EPS15L1: variants seen among roughly 807,000 people sequenced by gnomAD.
EPS15L1 encodes epidermal growth factor receptor substrate 15-like 1.
EPS15L1 carries 43 observed loss-of-function variants against 117.1 expected under a neutral mutation model. The ratio of observed to expected loss-of-function variants is 0.37; its 90% confidence interval spans 0.29 to 0.47. The LOEUF is 0.47. Ranked by LOEUF, EPS15L1 falls within the 20% of genes least tolerant of loss-of-function variation. The pLI is 0.99. For missense variants in EPS15L1, 981 were observed against 1,164.0 expected, an observed-to-expected ratio of 0.84 and a Z score of 2.29; for synonymous variants, 459 against 470.5, an observed-to-expected ratio of 0.98 and a Z score of 0.32.
In EPS15L1 at chr19:16,440,794, C is replaced by T. The variant is rs574240917; in HGVS notation, c.213+68G>A. 1,479 of 1,418,790 alleles carry T rather than the reference C, an allele frequency of 1.0e-3. 30 individuals carry two copies. The South Asian group carries it at 0.016, about 15-fold the overall frequency. 87.9% of individuals were successfully genotyped at this position (1,418,790 alleles called of 1,614,324 possible). On this transcript the variant is annotated intron_variant, in intron 4 of 23. Transcript: ENST00000455140. ...GACAGTGGAGGAATGTGGAAGGAGC[C>T]GTGGAGGTCACCCAGCCTGGGGGCT...
intron 18 of EPS15L1, among the ~76,000 whole-genome samples, chr19:16,392,787 C>T (rs1277846883): frequency 6.6e-6 from 1 of 152,110 alleles, no homozygotes; most frequent in Non-Finnish European, 1.5e-5. Flanking sequence ...GGCACAATGG[C>T]TCATGCCTGT....
At chr19:16,389,337 C>T (rs974155520) in intron 19 of EPS15L1, among the ~76,000 whole-genome samples, 3 of 151,874 alleles carry the variant, frequency 2.0e-5, no homozygotes, top group Non-Finnish European at 4.4e-5. Context: ...GCCTGTGGTC[C>T]CAGCAACTTG....
intron 1 of EPS15L1, among the ~76,000 whole-genome samples, chr19:16,447,244 G>A (rs1377577826): frequency 6.6e-6 from 1 of 152,188 alleles, no homozygotes; most frequent in Non-Finnish European, 1.5e-5. Flanking sequence ...AACCTTCCTG[G>A]ACTGGATGGG....
Position 16,437,980 on chromosome 19 carries a change from C to A in EPS15L1, c.214-115G>T, listed in dbSNP as rs80029734. The A allele has an allele frequency of 2.0e-3, 1,538 of 764,558 alleles. 1 individual carries two copies. The highest frequency in any genetic ancestry group is 2.7e-3 in the Non-Finnish European group (1,259 of 459,586). The allele number at this position is 764,558 out of a possible 1,614,324, so 47.4% of individuals were successfully genotyped here. A position where few individuals can be genotyped will look rare whatever the true frequency, so the allele number is the denominator to read the frequency against. On this transcript the variant is annotated intron_variant, in intron 4 of 23. Transcript: ENST00000455140. ...GGATGTGCACTTCAACAATGAAGGC[C>A]GTCCGTGCAAAAACCCCTTGGAGCG... is the stretch of plus-strand genomic sequence containing the variant.
Position 16,365,632 on chromosome 19 carries a change from G to A in EPS15L1, c.2381-3648C>T, listed in dbSNP as rs1007207280. 2.0e-5 allele frequency among the ~76,000 whole-genome samples: 3 copies of A among 152,222 alleles called. No individual in the cohort carries two copies. Among genetic ancestry groups the A allele is most frequent in the African/African-American group, 4.8e-5 (2 of 41,460 alleles). On this transcript the variant is annotated intron_variant, in intron 22 of 23. Coordinates refer to ENST00000455140, the MANE Select transcript of EPS15L1 (RefSeq NM_001258374.3). The surrounding 1 kb of genome is among the most constrained non-coding windows in gnomAD (Gnocchi z 4.9). The stretch of plus-strand genomic sequence containing the variant: ...ACAGTGTCCTGCACCCCAGCCTGTG[G>A]GTTTGCAGGGGATAGGGACAGTGAC...
At chr19:16,440,797 G>A (rs769971905) in intron 4 of EPS15L1, 65 bp downstream of exon 4, 3 of 1,459,614 alleles carry the variant, frequency 2.1e-6, no homozygotes, top group Non-Finnish European at 1.9e-6. Flanking sequence ...AAGGAGCCGT[G>A]GAGGTCACCC....
intron 22 of EPS15L1, among the ~76,000 whole-genome samples, chr19:16,373,970 A>G (rs1212380082): frequency 6.6e-6 from 1 of 152,236 alleles, no homozygotes; most frequent in African/African-American, 2.4e-5. Context: ...CTTCTGGGTA[A>G]AAGAATCAAA....
intron 16 of EPS15L1, among the ~76,000 whole-genome samples, chr19:16,399,357 G>A (rs1203080962): frequency 1.3e-5 from 2 of 152,168 alleles, no homozygotes; most frequent in Admixed American, 6.5e-5. Flanking sequence ...TGGGGGACAC[G>A]AGTACAGCAG....
rs2092200583 is a variant in EPS15L1 at position 16,370,154 on chromosome 19, A to G, written c.2380+6968T>C. Reference sequence around the variant, plus strand: ...GAGCAAGTGAGGCGCAGAGCCCACCAGGAGCTCCCATGGTGGGGGACACTT... The same window carrying G: ...GAGCAAGTGAGGCGCAGAGCCCACCGGGAGCTCCCATGGTGGGGGACACTT... On this transcript the variant is annotated intron_variant, in intron 22 of 23. Transcript: ENST00000455140. The surrounding 1 kb of genome is among the most constrained non-coding windows in gnomAD (Gnocchi z 5.2). Among the ~76,000 whole-genome samples, 4 of 152,320 alleles carry G rather than the reference A, an allele frequency of 2.6e-5. No individual in the cohort carries two copies. The highest frequency in any genetic ancestry group is 6.5e-5 in the Admixed American group (1 of 15,302).
Position 16,404,774 on chromosome 19 carries a change from C to T in EPS15L1, c.1267-25G>A, listed in dbSNP as rs757175147. 9.9e-6 allele frequency: 16 copies of T among 1,611,328 alleles called. No homozygotes were observed. The highest frequency in any genetic ancestry group is 1.4e-5 in the Non-Finnish European group (16 of 1,177,924). On this transcript the variant is annotated intron_variant, in intron 13 of 23. Transcript: ENST00000455140. This position sits in a 1 kb window ranked among gnomAD's most constrained non-coding sequence, Gnocchi z 4.2. Reference sequence around the variant, plus strand: ...CCTAGGGAGGAGTTGCAGGGGTTTACGTGAGGATGGGAAAAATGAAGCATG... The same window carrying T: ...CCTAGGGAGGAGTTGCAGGGGTTTATGTGAGGATGGGAAAAATGAAGCATG...
rs1302140344 is a variant in EPS15L1, at chr19:16,404,410, G to T, written c.1428+178C>A. ...ACCTGACTTCTAGGAGTACAGGGGG[G>T]TGGCCAGGAAGTCAAGCCACAGGTG... On this transcript the variant is annotated intron_variant, in intron 14 of 23. Coordinates refer to ENST00000455140, the MANE Select transcript of EPS15L1 (RefSeq NM_001258374.3). This position sits in a 1 kb window ranked among gnomAD's most constrained non-coding sequence, Gnocchi z 4.2. 6.6e-6 allele frequency among the ~76,000 whole-genome samples: 1 copy of T among 152,184 alleles called. No individual in the cohort carries two copies.
intron 8 of EPS15L1, among the ~76,000 whole-genome samples, chr19:16,426,246 C>T (rs999489703): frequency 2.6e-5 from 4 of 152,230 alleles, no homozygotes; most frequent in African/African-American, 4.8e-5. Context: ...GGATTCCTGT[C>T]TCACAAGAGT....
At chr19:16,429,875 C>T (rs1445249492) in intron 7 of EPS15L1, among the ~76,000 whole-genome samples, 1 of 152,262 alleles carries the variant, frequency 6.6e-6, no homozygotes, top group African/African-American at 2.4e-5. Flanking sequence ...AGCACTACTG[C>T]CTGTTAGGGC....
intron 22 of EPS15L1, among the ~76,000 whole-genome samples, chr19:16,369,260 C>T (rs4808498): frequency 0.9 from 136,934 of 152,208 alleles, 62,100 homozygotes; most frequent in South Asian, 0.96. Context: ...AGCACAGCCC[C>T]GGGAGATAAG....
chr19:16,436,077 T>C (rs973106656), intron 6 of EPS15L1, among the ~76,000 whole-genome samples: 3 of 152,194 alleles, frequency 2.0e-5, no homozygotes, highest in Non-Finnish European at 4.4e-5. Flanking sequence ...CAGAGGTGAC[T>C]GCATGACTCC....
At chr19:16,434,743 T>C (rs2092962345) in intron 6 of EPS15L1, 1 of 378,146 alleles carries the variant, frequency 2.6e-6, no homozygotes, top group Non-Finnish European at 4.8e-6. Context: ...GCCCCGGGTC[T>C]TGTCCTTCGT....
At chr19:16,449,586 C>A (rs1319875188) in intron 1 of EPS15L1, among the ~76,000 whole-genome samples, 1 of 151,534 alleles carries the variant, frequency 6.6e-6, no homozygotes, top group Non-Finnish European at 1.5e-5. Flanking sequence ...CTTAAAACAA[C>A]AACAACAAAA....
chr19:16,378,751 ATC>A (rs2092327279), intron 21 of EPS15L1, among the ~76,000 whole-genome samples: 1 of 152,202 alleles, frequency 6.6e-6, no homozygotes, highest in Non-Finnish European at 1.5e-5. Flanking sequence ...GGGCCAGCAT[ATC>A]TCAGGCGTCT....
At chr19:16,448,653 G>C (rs989694725) in intron 1 of EPS15L1, among the ~76,000 whole-genome samples, 4 of 151,814 alleles carry the variant, frequency 2.6e-5, no homozygotes, top group Admixed American at 2.6e-4. Context: ...AGACCAGCCT[G>C]GCTAACATGG....
Sources: allele counts gnomAD v4.1 joint callset (sites outside exome capture counted in the v4.1 genomes callset), GRCh38; gene constraint gnomAD v4.1.1; non-coding constraint Gnocchi (gnomAD v3.1); transcripts MANE v1.5; gene names NCBI Gene and HGNC (gene_info 2026-07-23, HGNC 2026-07-21).